Variants in ECT2 observed in about 807,000 individuals in gnomAD.
The protein encoded by ECT2 is epithelial cell transforming 2.
A neutral mutation model predicts 116.9 loss-of-function variants in ECT2; 61 were observed. That is an observed-to-expected ratio of 0.52 (90% CI 0.42 to 0.65). The LOEUF is 0.65. Among genes scored for constraint, ECT2 ranks in the 30% least tolerant of loss-of-function variants. The probability of loss-of-function intolerance (pLI) is 0.00; values close to 1 mark genes in which losing one functional copy is unlikely to be tolerated. For missense variants in ECT2, 937 were observed against 1,078.7 expected, an observed-to-expected ratio of 0.87 and a Z score of 1.84; for synonymous variants, 358 against 346.4, an observed-to-expected ratio of 1.03 and a Z score of -0.37.
At chr3:172,797,629 A>G (rs530843230) in intron 18 of ECT2, among the ~76,000 whole-genome samples, 2 of 152,234 alleles carry the variant, frequency 1.3e-5, no homozygotes, top group South Asian at 4.1e-4. Flanking sequence ...TGCTCTTTTC[A>G]TCTGGCTCAA....
At chr3:172,821,481 G>A (rs891336510), downstream of ECT2, 2 of 151,812 alleles carry the variant, frequency 1.3e-5, no homozygotes, top group East Asian at 1.9e-4. Flanking sequence ...TGTATTTTAT[G>A]TCTCATGTAT....
chr3:172,784,651 G>A (rs1723299138), intron 16 of ECT2, 56 bp from the exon 17 acceptor site: 5 of 1,255,022 alleles, frequency 4.0e-6, no homozygotes, highest in Admixed American at 1.7e-5. Flanking sequence ...GTAAAAGTAG[G>A]GCATATAATC....
chr3:172,759,016 A>G lies in ECT2; in HGVS notation c.523A>G (p.Ser175Gly). The change falls in exon 6 of 25, where the codon AGT (serine) becomes GGT (glycine). Residue 175 changes from serine to glycine, a missense_variant. By Grantham distance (56) the Ser-to-Gly change is moderately conservative. Transcript: ENST00000392692. ...TTCATGTCGCCCGTTGTATTGTACA[A>G]GTATGATGAATCTAGTACTATGCTT... The part of the protein sequence containing the change: ...PFSCRPLYCT[S>G]MMNLVLCFTG... 1 of 1,611,814 alleles carries G rather than the reference A, an allele frequency of 6.2e-7. No individual in the cohort carries two copies. The highest frequency in any genetic ancestry group is 1.3e-5 in the African/African-American group (1 of 74,918).
At chr3:172,815,000 C>T (rs4356845) in intron 22 of ECT2, among the ~76,000 whole-genome samples, 87,898 of 152,032 alleles carry the variant, frequency 0.58, 26,214 homozygotes, top group East Asian at 0.86. Context: ...GCTGACCTCA[C>T]AGAAGTACAC....
At chr3:172,813,724 C>T (rs544080736) in intron 22 of ECT2, among the ~76,000 whole-genome samples, 1 of 152,046 alleles carries the variant, frequency 6.6e-6, no homozygotes, top group Non-Finnish European at 1.5e-5. Context: ...TGTACCCATT[C>T]CACAGTAATT....
At chr3:172,801,361 A>G (rs1726688288) in intron 18 of ECT2, among the ~76,000 whole-genome samples, 1 of 152,176 alleles carries the variant, frequency 6.6e-6, no homozygotes, top group South Asian at 2.1e-4. Context: ...AATTTTCCCC[A>G]CTGTTGAGGA....
chr3:172,808,020 A>G (rs961442006), intron 22 of ECT2, 96 bp downstream of exon 22: 8 of 1,229,534 alleles, frequency 6.5e-6, no homozygotes, highest in South Asian at 1.8e-5. Flanking sequence ...TTTATTATGA[A>G]TGGAGAGTTT....
Position 172,758,988 on chromosome 3 carries a change from A to G in ECT2, c.495A>G (p.Pro165=), listed in dbSNP as rs1211976636. The G allele has an allele frequency of 2.5e-6, 4 of 1,609,250 alleles. No homozygotes were observed. In the East Asian group the frequency reaches 8.9e-5, roughly 36 times the overall value. The change falls in exon 6 of 25, where the codon CCA becomes CCG. Residue 165 remains proline, a synonymous_variant. Coordinates refer to ENST00000392692, the MANE Select transcript of ECT2 (RefSeq NM_001258315.2). ...ATTGTTGTATCCTTCAGCCTTTGCC[A>G]TTTTCATGTCGCCCGTTGTATTGTA... is the stretch of plus-strand genomic sequence containing the variant. ...LNCSQKGEPL[P]FSCRPLYCTS...
chr3:172,760,182 C>T lies in ECT2; in HGVS notation c.603C>T (p.His201=). ...ELVRLVTLVH[H]MGGVIRKDFN... is the part of the protein sequence containing the mutation. ...TCAGGTTGGTGACATTGGTCCATCA[C>T]ATGGGTGGAGTTATTCGAAAAGACT... Residue 201 remains histidine, a synonymous_variant, in exon 7 of 25, where the codon CAC becomes CAT. Transcript: ENST00000392692. The T allele has an allele frequency of 6.2e-7, 1 of 1,610,932 alleles. No homozygotes were observed. Among genetic ancestry groups the T allele is most frequent in the African/African-American group, 1.3e-5 (1 of 74,974 alleles).
At chr3:172,765,639 T>G (rs562395971) in intron 12 of ECT2, among the ~76,000 whole-genome samples, 1 of 152,194 alleles carries the variant, frequency 6.6e-6, no homozygotes, top group Non-Finnish European at 1.5e-5. Flanking sequence ...CCTTTTAATT[T>G]GTGCCTTTCT....
intron 14 of ECT2, among the ~76,000 whole-genome samples, chr3:172,779,781 A>T (rs1722366407): frequency 6.6e-6 from 1 of 152,136 alleles, no homozygotes; most frequent in South Asian, 2.1e-4. Flanking sequence ...ACATGCCAGT[A>T]GTCCCAGCTA....
chr3:172,783,150 G>T (rs572812792), intron 15 of ECT2, among the ~76,000 whole-genome samples: 119 of 152,226 alleles, frequency 7.8e-4, no homozygotes, highest in Non-Finnish European at 1.4e-3. Context: ...TTTTGGCAAG[G>T]TTCTGTGAAT....
At chr3:172,784,620 C>G (rs1009911863) in intron 16 of ECT2, 87 bp from the exon 17 acceptor site, 2 of 908,022 alleles carry the variant, frequency 2.2e-6, no homozygotes, top group African/African-American at 3.3e-5. Context: ...ATCACAGACA[C>G]TAATGATAAG....
intron 18 of ECT2, among the ~76,000 whole-genome samples, chr3:172,801,651 G>A (rs528984458): frequency 3.7e-4 from 57 of 152,310 alleles, no homozygotes; most frequent in Admixed American, 3.5e-3. Flanking sequence ...TCCCACATTT[G>A]CTTCTTCTCT....
At chr3:172,823,792 G>T (rs887500795), downstream of ECT2, among the ~76,000 whole-genome samples, 1 of 152,072 alleles carries the variant, frequency 6.6e-6, no homozygotes, top group Non-Finnish European at 1.5e-5. Context: ...GCTTCAGTGG[G>T]TCGTAATCTT....
intron 14 of ECT2, 99 bp downstream of exon 14, chr3:172,774,121 C>A: frequency 8.9e-7 from 1 of 1,121,302 alleles, no homozygotes; most frequent in South Asian, 1.5e-5. Flanking sequence ...AAGTTTTGTA[C>A]CTAAAACTTC....
intron 21 of ECT2, among the ~76,000 whole-genome samples, chr3:172,807,024 T>G (rs1727878915): frequency 1.3e-5 from 2 of 152,146 alleles, no homozygotes; most frequent in Non-Finnish European, 2.9e-5. Context: ...TTATTAAAGG[T>G]TACATAGTAT....
At chr3:172,828,187 A>G in the ECT2 span, among the ~76,000 whole-genome samples, 2 of 152,238 alleles carry the variant, frequency 1.3e-5, no homozygotes, top group East Asian at 1.9e-4. Context: ...CAAAATCCCT[A>G]CAGAGAAGAC....
intron 17 of ECT2, 133 bp from the exon 18 acceptor site, chr3:172,786,360 C>T (rs1340277965): frequency 1.7e-6 from 1 of 595,948 alleles, no homozygotes; most frequent in Non-Finnish European, 2.9e-6. Flanking sequence ...GGGAACAGTG[C>T]TTAAAACTTT....
Sources: gnomAD v4.1 joint callset for allele counts (sites outside exome capture counted in the v4.1 genomes callset) on GRCh38, gnomAD v4.1.1 for gene constraint, MANE v1.5 for transcripts, NCBI Gene and HGNC (gene_info 2026-07-23, HGNC 2026-07-21) for gene names.